IFT140: variants seen among roughly 807,000 people sequenced by gnomAD.
The protein encoded by IFT140 is intraflagellar transport 140, also known as intraflagellar transport protein 140 homolog.
IFT140 carries 133 observed loss-of-function variants against 164.6 expected under a neutral mutation model. The ratio of observed to expected loss-of-function variants is 0.81; its 90% CI spans 0.70 to 0.93. The LOEUF (loss-of-function observed/expected upper bound fraction) is 0.93, where lower values mean the gene tolerates loss of function less well. Ranked by LOEUF, IFT140 falls within the 40% of genes least tolerant of loss-of-function variation. The pLI, the probability that IFT140 is intolerant of heterozygous loss-of-function variation, is 0.00. For missense variants in IFT140, 2,045 were observed against 1,972.3 expected (o/e 1.04, Z -0.70); for synonymous variants, 860 against 817.3 (o/e 1.05, Z -0.89).
chr16:1,601,863 C>T lies in IFT140; in HGVS notation c.369+507G>A, dbSNP rs957480526. Among the ~76,000 whole-genome samples the T allele has an allele frequency of 2.0e-4, 31 of 152,238 alleles. 1 individual carries two copies. Among genetic ancestry groups the T allele is most frequent in the Admixed American group, 1.7e-3 (26 of 15,284 alleles). The stretch of plus-strand genomic sequence containing the variant: ...TGTTACCTGTGGTTATTTAAGTAAA[C>T]ACATTGTAACATTTCTGCCATATAT... On this transcript the variant is annotated intron_variant, in intron 4 of 30. Coordinates refer to ENST00000426508, the MANE Select transcript of IFT140 (RefSeq NM_014714.4).
rs2032858984 is a variant in IFT140, at chr16:1,553,647, A to C, written c.2399+4288T>G. 24 of 864,576 alleles carry C rather than the reference A, an allele frequency of 2.8e-5. No homozygotes were observed. Among genetic ancestry groups the C allele is most frequent in the Non-Finnish European group, 3.3e-5 (23 of 698,056 alleles). 53.6% of individuals were successfully genotyped at this position (864,576 alleles called of 1,614,324 possible). On this transcript the variant is annotated intron_variant, in intron 19 of 30. Coordinates refer to ENST00000426508, the MANE Select transcript of IFT140 (RefSeq NM_014714.4). The surrounding 1 kb of genome is among the most constrained non-coding windows in gnomAD (Gnocchi z 4.4). ...ACTCAGGTTACTGTAACAGAGAGGG[A>C]GGGGTGCTGGGTGGGCAGAAGCGGG...
rs1380607181 is a variant in IFT140, at chr16:1,523,679, G to C, written c.3292C>G (p.Leu1098Val). The C allele has an allele frequency of 6.2e-7, 1 of 1,613,736 alleles. No homozygotes were observed. Among genetic ancestry groups the C allele is most frequent in the Admixed American group, 1.7e-5 (1 of 60,032 alleles). ...YHKAGHFSKALELAFATQQFV... is the reference protein window; with the variant it reads ...YHKAGHFSKAVELAFATQQFV... The stretch of plus-strand genomic sequence containing the variant: ...TGCTGGGTGGCAAAGGCCAGCTCCA[G>C]GGCCTTGGAGAAGTGGCCAGCCTGC... Residue 1098 changes from leucine to valine, a missense_variant, in exon 26 of 31, where the codon CTG becomes GTG. Physicochemically the swap from Leu to Val is conservative, Grantham distance 32. Coordinates refer to ENST00000426508, the MANE Select transcript of IFT140 (RefSeq NM_014714.4).
chr16:1,590,213 A>T (rs994256376), intron 6 of IFT140, among the ~76,000 whole-genome samples: 2 of 151,372 alleles, frequency 1.3e-5, no homozygotes, highest in Non-Finnish European at 2.9e-5. Context: ...AAAAAAAAAA[A>T]AAAAAAAAAT....
chr16:1,514,089 CCAGG>C, intron 30 of IFT140, among the ~76,000 whole-genome samples: 1 of 151,680 alleles, frequency 6.6e-6, no homozygotes, highest in Admixed American at 6.6e-5. Flanking sequence ...TTTTTGTTGG[CCAGG>C]TGCGGTACCT....
At chr16:1,560,230 C>T (rs146792228) in intron 18 of IFT140, among the ~76,000 whole-genome samples, 24 of 152,332 alleles carry the variant, frequency 1.6e-4, no homozygotes, top group South Asian at 4.1e-4. Flanking sequence ...GCGAATCACA[C>T]GATGCTTTCC....
At position 1,520,764 on chromosome 16, in the gene IFT140, G is replaced by A; in HGVS notation, c.3498C>T (p.Ile1166=). The change falls in exon 27 of 31, where the codon ATC becomes ATT. Residue 1166 remains isoleucine (I), a synonymous_variant. Transcript: ENST00000426508. Reference sequence around the variant, plus strand: ...TCATCTTTTCCGCCATCTCCTCGGTGATGCTCATGTTCTGCCCCAGGCACA... The same window carrying A: ...TCATCTTTTCCGCCATCTCCTCGGTAATGCTCATGTTCTGCCCCAGGCACA... ...LQLCLGQNMS[I]TEEMAEKMTV... The A allele has an allele frequency of 6.2e-7, 1 of 1,608,330 alleles. No individual in the cohort carries two copies. Among genetic ancestry groups the A allele is most frequent in the South Asian group, 1.1e-5 (1 of 91,040 alleles).
Position 1,553,638 on chromosome 16 carries a change from C to T in IFT140, c.2399+4297G>A. On this transcript the variant is annotated intron_variant, in intron 19 of 30. Transcript: ENST00000426508. The surrounding 1 kb of genome is among the most constrained non-coding windows in gnomAD (Gnocchi z 4.4). ...AACAGACTCACTCAGGTTACTGTAA[C>T]AGAGAGGGAGGGGTGCTGGGTGGGC... 1 of 1,059,172 alleles carries T rather than the reference C, an allele frequency of 9.4e-7. No individual in the cohort carries two copies. Among genetic ancestry groups the T allele is most frequent in the Non-Finnish European group, 1.1e-6 (1 of 871,582 alleles). The allele number at this position is 1,059,172 out of a possible 1,614,324, so 65.6% of individuals were successfully genotyped here.
chr16:1,519,035 G>T (rs543543180), intron 29 of IFT140, among the ~76,000 whole-genome samples: 117 of 152,104 alleles, frequency 7.7e-4, no homozygotes, highest in Non-Finnish European at 1.6e-3. Flanking sequence ...CTCACACGTC[G>T]TCTCCCCTCC....
In IFT140 at chr16:1,525,970, G is replaced by C. The variant is rs762560105; in HGVS notation, c.2685C>G (p.His895Gln). 1.3e-6 allele frequency: 2 copies of C among 1,589,592 alleles called. No homozygotes were observed. The highest frequency in any genetic ancestry group is 2.3e-5 in the South Asian group (2 of 87,350). The change falls in exon 21 of 31, where the codon CAC becomes CAG. Residue 895 changes from histidine (H) to glutamine (Q), a missense_variant. Physicochemically the swap from His to Gln is conservative, Grantham distance 24 (BLOSUM62 0). Coordinates refer to ENST00000426508, the MANE Select transcript of IFT140 (RefSeq NM_014714.4). Reference sequence around the variant, plus strand: ...AGGTGCTGCGCAGGTGCACGCGATCGTGGTGCTCGGCTACCTGGAGGGCCT... The same window carrying C: ...AGGTGCTGCGCAGGTGCACGCGATCCTGGTGCTCGGCTACCTGGAGGGCCT... The part of the protein sequence containing the change: ...WQEALQVAEH[H>Q]DRVHLRSTYH...
At chr16:1,518,549 A>G (rs1361613445) in intron 29 of IFT140, among the ~76,000 whole-genome samples, 192 bp from the exon 30 acceptor site, 1 of 152,010 alleles carries the variant, frequency 6.6e-6, no homozygotes, top group Non-Finnish European at 1.5e-5. Flanking sequence ...ATTCTTACTG[A>G]TCACTTGAAT....
Position 1,592,581 on chromosome 16 carries a change from A to T in IFT140, c.377T>A (p.Val126Asp), listed in dbSNP as rs905354864. ...NCLLSGDRLGVLLLWRLDQRG... is the reference protein window; with the variant it reads ...NCLLSGDRLGDLLLWRLDQRG... The stretch of plus-strand genomic sequence containing the variant: ...TTGGTCCAACCTCCACAAGAGCAAG[A>T]CACCAAGCTGGAAAGACCCAACACC... Residue 126 changes from valine (V) to aspartate (D), a missense_variant, in exon 5 of 31, where the codon GTC becomes GAC. Val to Asp is a radical substitution (Grantham distance 152, BLOSUM62 -3). Transcript: ENST00000426508. 3 of 1,613,992 alleles carry T rather than the reference A, an allele frequency of 1.9e-6. No homozygotes were observed. The highest frequency in any genetic ancestry group is 2.5e-6 in the Non-Finnish European group (3 of 1,179,968).
At chr16:1,534,281 C>G in intron 19 of IFT140, 3 of 1,611,928 alleles carry the variant, frequency 1.9e-6, no homozygotes, top group Non-Finnish European at 2.5e-6. Flanking sequence ...CAGCGATGAC[C>G]GTGCAGAGAC....
rs2040655109 is a variant in IFT140 at position 1,525,315 on chromosome 16, G to A, written c.2780C>T (p.Ser927Leu). Residue 927 changes from serine to leucine, a missense_variant, in exon 22 of 31, where the codon TCG becomes TTG. Coordinates refer to ENST00000426508, the MANE Select transcript of IFT140 (RefSeq NM_014714.4). The part of the protein sequence containing the change: ...CSRALSYYEK[S>L]DTHRFEVPRM... ...GGGCACCTCGAAGCGGTGCGTGTCCGACTTCTCGTAGCTGTGAGAGAAGGA... is the reference window on the plus strand; with the variant it reads ...GGGCACCTCGAAGCGGTGCGTGTCCAACTTCTCGTAGCTGTGAGAGAAGGA... 10 of 1,611,386 alleles carry A rather than the reference G, an allele frequency of 6.2e-6. No homozygotes were observed. Among genetic ancestry groups the A allele is most frequent in the South Asian group, 2.2e-5 (2 of 91,048 alleles).
intron 13 of IFT140, among the ~76,000 whole-genome samples, chr16:1,579,901 T>G (rs1271851084): frequency 1.3e-5 from 2 of 150,878 alleles, no homozygotes; most frequent in African/African-American, 4.9e-5. Context: ...GAGGCGGAGA[T>G]TGCAGCGAGC....
intron 19 of IFT140, among the ~76,000 whole-genome samples, chr16:1,544,930 G>C (rs2032039859): frequency 6.6e-6 from 1 of 152,240 alleles, no homozygotes; most frequent in South Asian, 2.1e-4. Context: ...TTACAAGCGT[G>C]AGCCACGGCA....
chr16:1,557,225 C>T (rs932998714), intron 19 of IFT140, among the ~76,000 whole-genome samples: 6 of 152,182 alleles, frequency 3.9e-5, no homozygotes, highest in African/African-American at 9.7e-5. Context: ...TCAGCCTGTC[C>T]GGTGCATGTG....
intron 19 of IFT140, among the ~76,000 whole-genome samples, chr16:1,534,855 A>G (rs940577450): frequency 6.6e-6 from 1 of 152,212 alleles, no homozygotes; most frequent in Non-Finnish European, 1.5e-5. Context: ...CGTTACACAT[A>G]GTTAAGAGAT....
In IFT140 at chr16:1,568,214, C is replaced by T; in HGVS notation, c.1770+3G>A. The T allele has an allele frequency of 6.3e-7, 1 of 1,591,364 alleles. No homozygotes were observed. Among genetic ancestry groups the T allele is most frequent in the Non-Finnish European group, 8.6e-7 (1 of 1,169,288 alleles). ...TGGGCGAGTGGACGAGGGGTGGCCT[C>T]ACCTTGCTGGGGAGGATGCTGATGG... On this transcript the variant is annotated splice_donor_region_variant and intron_variant, in intron 15 of 30. Coordinates refer to ENST00000426508, the MANE Select transcript of IFT140 (RefSeq NM_014714.4).
chr16:1,590,200 C>CAAAAAAAA (rs559750583), intron 6 of IFT140, among the ~76,000 whole-genome samples: 3 of 78,278 alleles, frequency 3.8e-5, no homozygotes, highest in East Asian at 3.6e-4. Context: ...GACTCTGTCT[C>CAAAAAAAA]AAAAAAAAAA....
Sources: allele counts gnomAD v4.1 joint callset (sites outside exome capture counted in the v4.1 genomes callset), GRCh38; gene constraint gnomAD v4.1.1; non-coding constraint Gnocchi (gnomAD v3.1); transcripts MANE v1.5; gene names NCBI Gene and HGNC (gene_info 2026-07-23, HGNC 2026-07-21).